LRRC4C: variants seen among roughly 807,000 people sequenced by gnomAD.
The protein encoded by LRRC4C is leucine-rich repeat-containing protein 4C.
LRRC4C carries 5 observed loss-of-function variants against 33.6 expected under a neutral mutation model. That is an observed-to-expected ratio of 0.15 (90% CI 0.08 to 0.31). The LOEUF (loss-of-function observed/expected upper bound fraction) is 0.31. Ranked by LOEUF, LRRC4C falls within the 10% of genes least tolerant of loss-of-function variation. The pLI, the probability that LRRC4C is intolerant of heterozygous loss-of-function variation, is 1.00. For synonymous variants in LRRC4C, 329 were observed against 302.0 expected (o/e 1.09, Z -0.93); for missense variants, 560 against 796.7 (o/e 0.70, Z 3.58).
At chr11:40,175,645 C>T (rs541602898) in intron 5 of LRRC4C, among the ~76,000 whole-genome samples, 2 of 152,138 alleles carry the variant, frequency 1.3e-5, no homozygotes, top group Non-Finnish European at 2.9e-5. Flanking sequence ...ACACTATATG[C>T]AAAGGCTGGC....
Position 40,319,708 on chromosome 11 carries a change from A to C in LRRC4C, c.-256T>G, listed in dbSNP as rs1945746487. The C allele has an allele frequency of 6.6e-6, 1 of 152,220 alleles. No individual in the cohort carries two copies. Among genetic ancestry groups the C allele is most frequent in the African/African-American group, 2.4e-5 (1 of 41,460 alleles). The allele number at this position is 152,220 out of a possible 1,614,324, so 9.4% of individuals were successfully genotyped here. ...TAATAAGTGCTCTGGATTTCTGCAG[A>C]TACTTCTTTATACCTGCAGGAAGAT... On this transcript the variant is annotated 5_prime_UTR_variant, in exon 4 of 7. Coordinates refer to ENST00000528697, the MANE Select transcript of LRRC4C (RefSeq NM_001258419.2).
At chr11:41,183,018 T>G (rs1328378352) in intron 1 of LRRC4C, among the ~76,000 whole-genome samples, 2 of 152,056 alleles carry the variant, frequency 1.3e-5, no homozygotes, top group East Asian at 3.9e-4. Context: ...TCAGATGTCA[T>G]GAGACTTCTT....
At chr11:41,244,398 A>T (rs947187233) in intron 1 of LRRC4C, among the ~76,000 whole-genome samples, 1 of 152,154 alleles carries the variant, frequency 6.6e-6, no homozygotes, top group East Asian at 1.9e-4. Context: ...GGGGTGGGGG[A>T]CAGCTTTCTA....
intron 1 of LRRC4C, among the ~76,000 whole-genome samples, chr11:41,209,777 G>A (rs1030668527): frequency 2.6e-5 from 4 of 152,276 alleles, no homozygotes; most frequent in Admixed American, 1.3e-4. Flanking sequence ...ATTCTGGGAC[G>A]ACAGAAGGTA....
intron 3 of LRRC4C, among the ~76,000 whole-genome samples, chr11:40,640,569 T>A (rs1305091107): frequency 6.6e-6 from 1 of 152,064 alleles, no homozygotes; most frequent in Non-Finnish European, 1.5e-5. Flanking sequence ...GTTATAACAA[T>A]AGGAATCTCT....
chr11:40,193,268 A>G (rs575554853), intron 5 of LRRC4C, among the ~76,000 whole-genome samples: 1 of 152,256 alleles, frequency 6.6e-6, no homozygotes, highest in East Asian at 1.9e-4. Flanking sequence ...GCAGGCAGCA[A>G]TCTTTGCTGT....
chr11:41,024,586 A>G (rs1056151590), intron 1 of LRRC4C, among the ~76,000 whole-genome samples: 2 of 151,728 alleles, frequency 1.3e-5, no homozygotes, highest in African/African-American at 2.4e-5. Context: ...AAAATGCTCA[A>G]ATTCACACCT....
chr11:40,455,366 G>A (rs1952083337), intron 3 of LRRC4C, among the ~76,000 whole-genome samples: 1 of 152,160 alleles, frequency 6.6e-6, no homozygotes. Context: ...GCATCCATCT[G>A]TCCAGAATTA....
intron 2 of LRRC4C, among the ~76,000 whole-genome samples, chr11:40,928,174 G>T (rs1055574204): frequency 2.0e-5 from 3 of 151,696 alleles, no homozygotes; most frequent in African/African-American, 7.3e-5. Flanking sequence ...AAAATAGGAA[G>T]GACTTTCAGA....
At chr11:40,405,528 T>A (rs1286683268) in intron 3 of LRRC4C, among the ~76,000 whole-genome samples, 1 of 145,838 alleles carries the variant, frequency 6.9e-6, no homozygotes, top group Non-Finnish European at 1.5e-5. Flanking sequence ...TCCCAGCTAC[T>A]CGGGAGGCTG....
chr11:41,190,398 G>T (rs1434014719), intron 1 of LRRC4C, among the ~76,000 whole-genome samples: 1 of 152,138 alleles, frequency 6.6e-6, no homozygotes, highest in Non-Finnish European at 1.5e-5. Flanking sequence ...ACAAGAGGGA[G>T]AATCCAAGCA....
chr11:41,216,279 G>C (rs1445581471), intron 1 of LRRC4C, among the ~76,000 whole-genome samples: 1 of 152,118 alleles, frequency 6.6e-6, no homozygotes, highest in East Asian at 1.9e-4. Flanking sequence ...ACACAATAGA[G>C]CGGTGAGTGG....
intron 3 of LRRC4C, among the ~76,000 whole-genome samples, chr11:40,440,454 G>C (rs921812288): frequency 3.3e-5 from 5 of 151,764 alleles, no homozygotes; most frequent in African/African-American, 1.2e-4. Context: ...CTCAGCCTTG[G>C]TACTGATTAA....
At chr11:40,370,194 G>A (rs566151180) in intron 3 of LRRC4C, among the ~76,000 whole-genome samples, 31 of 152,252 alleles carry the variant, frequency 2.0e-4, no homozygotes, top group Non-Finnish European at 4.0e-4. Context: ...TGAAGATGGA[G>A]CTGAGAGCCA....
intron 1 of LRRC4C, among the ~76,000 whole-genome samples, chr11:41,090,077 G>A (rs1940296397): frequency 6.6e-6 from 1 of 152,052 alleles, no homozygotes; most frequent in African/African-American, 2.4e-5. Flanking sequence ...TATATTTAGG[G>A]AAAGGAATAG....
intron 1 of LRRC4C, among the ~76,000 whole-genome samples, chr11:41,089,667 C>A (rs1029062442): frequency 6.6e-6 from 1 of 151,868 alleles, no homozygotes; most frequent in Non-Finnish European, 1.5e-5. Flanking sequence ...TTTCTTAATA[C>A]AGAGTTGAAT....
intron 2 of LRRC4C, among the ~76,000 whole-genome samples, chr11:40,909,961 A>AT (rs1956594812): frequency 6.6e-6 from 1 of 152,150 alleles, no homozygotes; most frequent in South Asian, 2.1e-4. Context: ...GAACATAGAA[A>AT]TTTTTTGTGC....
rs528577317 is a variant in LRRC4C at position 40,496,508 on chromosome 11, TTTTTA to T, written c.-270+151629_-270+151633del. On this transcript the variant is annotated intron_variant, in intron 3 of 6. Transcript: ENST00000528697. Reference sequence around the variant, plus strand: ...AGGAAAACCTATTTCATATTCTTGGTTTTTATTTTATTATTATTTTTTTTAATCAG... The same window carrying T: ...AGGAAAACCTATTTCATATTCTTGGTTTTTATTATTATTTTTTTTAATCAG... Among the ~76,000 whole-genome samples, 221 of 152,190 alleles carry T rather than the reference TTTTTA, an allele frequency of 1.5e-3. 1 individual carries two copies. The highest frequency in any genetic ancestry group is 5.1e-3 in the African/African-American group (210 of 41,520).
intron 6 of LRRC4C, among the ~76,000 whole-genome samples, chr11:40,119,322 G>T (rs562051835): frequency 6.6e-6 from 1 of 152,290 alleles, no homozygotes; most frequent in South Asian, 2.1e-4. Flanking sequence ...CCTTCTCTAT[G>T]ACAGCAAAAA....
Sources: gnomAD v4.1 joint callset for allele counts (sites outside exome capture counted in the v4.1 genomes callset) on GRCh38, gnomAD v4.1.1 for gene constraint, MANE v1.5 for transcripts, NCBI Gene and HGNC (gene_info 2026-07-23, HGNC 2026-07-21) for gene names.